MTARC1: variants seen among roughly 807,000 people sequenced by gnomAD.
MTARC1 encodes mitochondrial amidoxime-reducing component 1.
Under a neutral mutation model 33.6 loss-of-function variants are expected in MTARC1, and 24 were observed. The ratio of observed to expected loss-of-function variants is 0.72; its 90% CI spans 0.52 to 1.01. MTARC1 has a LOEUF of 1.01. MTARC1 is among the 50% of genes least tolerant of loss of function. The pLI, the probability that MTARC1 is intolerant of heterozygous loss-of-function variation, is 0.00. For missense variants in MTARC1, 417 were observed against 445.7 expected (o/e 0.94, Z 0.58); for synonymous variants, 187 against 189.5 (o/e 0.99, Z 0.11).
chr1:220,788,720 C>T lies in MTARC1; in HGVS notation c.275+1501C>T, dbSNP rs139630311. On this transcript the variant is annotated intron_variant, in intron 1 of 6. Coordinates refer to ENST00000366910, the MANE Select transcript of MTARC1 (RefSeq NM_022746.4). ...AGGAGAATGGCGTGAACCCGGGAGG[C>T]GGAGCTTGCAGAGCTCCACTGTGGC... 8.8e-3 allele frequency among the ~76,000 whole-genome samples: 1,333 copies of T among 150,878 alleles called. 8 individuals carry two copies. Among genetic ancestry groups the T allele is most frequent in the East Asian group, 0.058 (296 of 5,084 alleles).
intron 4 of MTARC1, among the ~76,000 whole-genome samples, chr1:220,799,798 C>T (rs898954384): frequency 8.5e-5 from 13 of 152,190 alleles, no homozygotes; most frequent in Admixed American, 6.5e-5. Flanking sequence ...CGCAAGTGAC[C>T]GTACAAGCCT....
chr1:220,787,575 A>G (rs947869497), intron 1 of MTARC1, among the ~76,000 whole-genome samples: 1 of 152,156 alleles, frequency 6.6e-6, no homozygotes, highest in Non-Finnish European at 1.5e-5. Context: ...GCTAGCTTGA[A>G]GAGGTTGGTT....
chr1:220,796,260 G>A (rs899525494), intron 2 of MTARC1, among the ~76,000 whole-genome samples: 14 of 152,234 alleles, frequency 9.2e-5, no homozygotes, highest in African/African-American at 3.4e-4. Flanking sequence ...ATTTCTGGTC[G>A]CTATTCAGCT....
Position 220,791,549 on chromosome 1 carries a change from C to T in MTARC1, c.334C>T (p.Leu112=). Residue 112 remains leucine, a synonymous_variant, in exon 2 of 7, where the codon CTG becomes TTG. Transcript: ENST00000366910. ...NMVTARQEPR[L]VLISLTCDGD... ...GGTTACTGCTCGCCAGGAACCTCGC[C>T]TGGTCCTGATTTCCCTGACCTGCGA... The T allele has an allele frequency of 6.2e-7, 1 of 1,614,180 alleles. No individual in the cohort carries two copies. The highest frequency in any genetic ancestry group is 8.5e-7 in the Non-Finnish European group (1 of 1,180,042).
At chr1:220,807,548 A>G (rs746416102) in intron 6 of MTARC1, among the ~76,000 whole-genome samples, 4 of 152,154 alleles carry the variant, frequency 2.6e-5, no homozygotes, top group African/African-American at 9.7e-5. Flanking sequence ...GTGCCACTGC[A>G]CTCCAATTTG....
chr1:220,810,414 A>G (rs899270466), intron 6 of MTARC1, among the ~76,000 whole-genome samples: 5 of 152,050 alleles, frequency 3.3e-5, no homozygotes, highest in African/African-American at 9.7e-5. Context: ...GAGAGCCCGC[A>G]GCAAAACCAG....
intron 2 of MTARC1, among the ~76,000 whole-genome samples, chr1:220,792,106 G>A (rs1246376915): frequency 6.6e-6 from 1 of 152,140 alleles, no homozygotes; most frequent in Non-Finnish European, 1.5e-5. Context: ...AGTTGCAAAT[G>A]GCTATGTGAC....
intron 6 of MTARC1, among the ~76,000 whole-genome samples, chr1:220,812,495 C>G (rs921599431): frequency 6.6e-6 from 1 of 152,184 alleles, no homozygotes; most frequent in Admixed American, 6.5e-5. Context: ...AAGATCGTGA[C>G]AGTCGGAATG....
intron 1 of MTARC1, 75 bp downstream of exon 1, chr1:220,787,294 G>A: frequency 7.0e-7 from 1 of 1,432,240 alleles, no homozygotes; most frequent in Non-Finnish European, 9.1e-7. Context: ...GAGCGCAGGG[G>A]AGGTCTGCAG....
In MTARC1 at chr1:220,813,509, C is replaced by G; in HGVS notation, c.*91C>G. On this transcript the variant is annotated 3_prime_UTR_variant, in exon 7 of 7. Transcript: ENST00000366910. ...AAGCATGGTGTTTCAGAACTGAGAC[C>G]TCTACATTTTCTTTAAATTTGTGAT... 3.3e-6 allele frequency: 5 copies of G among 1,504,634 alleles called. No individual in the cohort carries two copies. Among genetic ancestry groups the G allele is most frequent in the Non-Finnish European group, 4.5e-6 (5 of 1,108,556 alleles). 93.2% of individuals were successfully genotyped at this position (1,504,634 alleles called of 1,614,324 possible). A position where few individuals can be genotyped will look rare whatever the true frequency, so the allele number is the denominator to read the frequency against.
chr1:220,811,624 CTAAAATGTTTTAAATA>C (rs1049540476), intron 6 of MTARC1, among the ~76,000 whole-genome samples: 16 of 140,168 alleles, frequency 1.1e-4, no homozygotes, highest in Non-Finnish European at 2.1e-4. Context: ...AATGATTTAT[CTAAAATGTTTTAAATA>C]TAAAAATGAT....
At chr1:220,788,498 C>T (rs1187189229) in intron 1 of MTARC1, among the ~76,000 whole-genome samples, 1 of 152,066 alleles carries the variant, frequency 6.6e-6, no homozygotes. Context: ...CTAAATATTC[C>T]ATGTTTTGGG....
chr1:220,817,459 C>A lies in MTARC1; in HGVS notation c.*4041C>A, dbSNP rs1315976832. On this transcript the variant is annotated 3_prime_UTR_variant, in exon 7 of 7. Coordinates refer to ENST00000366910, the MANE Select transcript of MTARC1 (RefSeq NM_022746.4). ...CCACCTTTTATTCCCTTATTTGTCC[C>A]TGCCCATGTCCTGCTGATTGCTCCA... 2.0e-5 allele frequency: 3 copies of A among 152,326 alleles called. No individual in the cohort carries two copies. Among genetic ancestry groups the A allele is most frequent in the African/African-American group, 7.2e-5 (3 of 41,444 alleles). 9.4% of individuals were successfully genotyped at this position (152,326 alleles called of 1,614,324 possible).
chr1:220,794,056 A>T (rs1023326480), intron 2 of MTARC1: 1 of 152,206 alleles, frequency 6.6e-6, no homozygotes, highest in Non-Finnish European at 1.5e-5. Flanking sequence ...ATGGCCCAAG[A>T]TAGATGCAAA....
intron 1 of MTARC1, among the ~76,000 whole-genome samples, chr1:220,789,258 T>C (rs1672346870): frequency 6.6e-6 from 1 of 152,058 alleles, no homozygotes; most frequent in South Asian, 2.1e-4. Flanking sequence ...AAGAACTTTC[T>C]AGAGAGGGAA....
intron 6 of MTARC1, among the ~76,000 whole-genome samples, chr1:220,812,609 C>A (rs1212766545): frequency 1.3e-5 from 2 of 152,180 alleles, no homozygotes; most frequent in Non-Finnish European, 2.9e-5. Flanking sequence ...AAAGGATGGG[C>A]TCCCAGCCCA....
intron 1 of MTARC1, 116 bp from the exon 2 acceptor site, chr1:220,791,375 A>G: frequency 8.8e-7 from 1 of 1,137,694 alleles, no homozygotes; most frequent in Non-Finnish European, 1.2e-6. Flanking sequence ...AAACTCACAC[A>G]CACCAGGCTT....
chr1:220,789,584 G>A (rs576963495), intron 1 of MTARC1, among the ~76,000 whole-genome samples: 137 of 152,342 alleles, frequency 9.0e-4, no homozygotes, highest in African/African-American at 3.2e-3. Flanking sequence ...ACATAAATAG[G>A]ATGAATGTTC....
chr1:220,787,209 C>T lies in MTARC1; in HGVS notation c.265C>T (p.Leu89=), dbSNP rs774719065. The T allele has an allele frequency of 7.6e-6, 12 of 1,572,278 alleles. No homozygotes were observed. The highest frequency in any genetic ancestry group is 1.0e-5 in the Non-Finnish European group (12 of 1,160,186). The change falls in exon 1 of 7, where the codon CTG becomes TTG. Residue 89 remains leucine, a synonymous_variant. Coordinates refer to ENST00000366910, the MANE Select transcript of MTARC1 (RefSeq NM_022746.4). ...CTAMGLRSGN[L]RDRFWLVINQ... Reference sequence around the variant, plus strand: ...GGCCATGGGGCTGCGCAGCGGCAACCTGCGGGACAGGTACGGCCAAGCGCC... The same window carrying T: ...GGCCATGGGGCTGCGCAGCGGCAACTTGCGGGACAGGTACGGCCAAGCGCC...
Sources: allele counts gnomAD v4.1 joint callset (sites outside exome capture counted in the v4.1 genomes callset), GRCh38; gene constraint gnomAD v4.1.1; transcripts MANE v1.5; gene names NCBI Gene and HGNC (gene_info 2026-07-23, HGNC 2026-07-21).